Variants in RASA3 observed in about 807,000 individuals in gnomAD.
RASA3 encodes RAS p21 protein activator 3, also known as ras GTPase-activating protein 3.
A neutral mutation model predicts 110.0 loss-of-function variants in RASA3; 73 were observed. The ratio of observed to expected loss-of-function variants is 0.66; its 90% CI spans 0.55 to 0.81. The LOEUF (loss-of-function observed/expected upper bound fraction) is 0.81, where lower values mean the gene tolerates loss of function less well. Ranked by LOEUF, RASA3 falls within the 30% of genes least tolerant of loss-of-function variation. RASA3 has a pLI of 0.00. For synonymous variants in RASA3, 500 were observed against 451.4 expected (o/e 1.11, Z -1.37); for missense variants, 976 against 1,113.2 (o/e 0.88, Z 1.75).
chr13:114,091,179 C>T (rs1331657686), intron 1 of RASA3, among the ~76,000 whole-genome samples: 2 of 152,080 alleles, frequency 1.3e-5, no homozygotes, highest in Non-Finnish European at 2.9e-5. Context: ...CAGCTGCTGG[C>T]TCCCTGCTGT....
intron 4 of RASA3, among the ~76,000 whole-genome samples, chr13:114,038,184 C>T (rs1174405238): frequency 1.3e-5 from 2 of 152,200 alleles, no homozygotes; most frequent in East Asian, 1.9e-4. Flanking sequence ...GCTCAGAGGC[C>T]GTTGTGACGG....
intron 1 of RASA3, among the ~76,000 whole-genome samples, chr13:114,081,241 G>C (rs1403729793): frequency 6.6e-6 from 1 of 152,200 alleles, no homozygotes; most frequent in Non-Finnish European, 1.5e-5. Context: ...CGTCACTCCA[G>C]AGACTCACGC....
intron 21 of RASA3, among the ~76,000 whole-genome samples, chr13:113,994,740 G>A (rs919911182): frequency 1.3e-5 from 2 of 152,212 alleles, no homozygotes; most frequent in Admixed American, 6.5e-5. Context: ...GGAGAGTGAA[G>A]TGGGAGGACT....
chr13:113,998,637 C>A (rs2053310980), intron 20 of RASA3, among the ~76,000 whole-genome samples: 1 of 152,244 alleles, frequency 6.6e-6, no homozygotes, highest in African/African-American at 2.4e-5. Context: ...GAGGCCACCA[C>A]ACAATGGTGA....
chr13:113,993,154 G>A (rs1000317836), intron 21 of RASA3, among the ~76,000 whole-genome samples: 1 of 152,098 alleles, frequency 6.6e-6, no homozygotes, highest in Non-Finnish European at 1.5e-5. Flanking sequence ...CACAGAAGGA[G>A]GCTGTGTGCT....
intron 4 of RASA3, among the ~76,000 whole-genome samples, chr13:114,037,818 C>T (rs1373562337): frequency 2.0e-5 from 3 of 152,174 alleles, no homozygotes; most frequent in African/African-American, 7.2e-5. Context: ...GTTGACGTTG[C>T]ACCAGCTGCG....
intron 1 of RASA3, among the ~76,000 whole-genome samples, chr13:114,095,064 T>C (rs1362717388): frequency 6.6e-6 from 1 of 152,232 alleles, no homozygotes; most frequent in Non-Finnish European, 1.5e-5. Flanking sequence ...TGAAATGAAA[T>C]AATTTTATAA....
intron 21 of RASA3, among the ~76,000 whole-genome samples, chr13:113,995,230 C>T (rs2053204929): frequency 6.6e-6 from 1 of 152,254 alleles, no homozygotes; most frequent in Non-Finnish European, 1.5e-5. Context: ...CTCTCCTCGT[C>T]AGGCTGCAAT....
At chr13:114,107,531 G>C (rs965715233) in intron 1 of RASA3, 1 of 152,606 alleles carries the variant, frequency 6.6e-6, no homozygotes, top group African/African-American at 2.4e-5. Context: ...GGGCTGGCCT[G>C]TCCCTCATGA....
Position 114,011,248 on chromosome 13 carries a change from C to T in RASA3, c.1513G>A (p.Asp505Asn), listed in dbSNP as rs754287355. 4 of 1,611,852 alleles carry T rather than the reference C, an allele frequency of 2.5e-6. No individual in the cohort carries two copies. In the African/African-American group the frequency reaches 4.0e-5, roughly 16 times the overall value. The change falls in exon 16 of 24, where the codon GAC becomes AAC. Residue 505 changes from aspartate (D) to asparagine (N), a missense_variant and splice_region_variant. Physicochemically the swap from Asp to Asn is conservative, Grantham distance 23. Around this residue, in one of 4 missense-constraint regions of RASA3, gnomAD observed 732 missense variants for 779.7 expected, o/e 0.94. Coordinates refer to ENST00000334062, the MANE Select transcript of RASA3 (RefSeq NM_007368.4). The surrounding 1 kb of genome is among the most constrained non-coding windows in gnomAD (Gnocchi z 4.8). ...GTCAGCGTCCTGGACGTCTGGGGGT[C>T]CTGGGGAGGCGGGAGCAAGAAAGGT... is the stretch of plus-strand genomic sequence containing the variant. ...NLFQLTPHHT[D>N]PQTSRTLTLI... is the part of the protein sequence containing the mutation.
chr13:114,003,533 G>A (rs1393144726), intron 18 of RASA3, among the ~76,000 whole-genome samples: 2 of 152,200 alleles, frequency 1.3e-5, no homozygotes, highest in Non-Finnish European at 2.9e-5. Flanking sequence ...AATCATAAGT[G>A]TTAGAAATAA....
chr13:114,011,298 G>A lies in RASA3; in HGVS notation c.1513-50C>T, dbSNP rs771043813. The A allele has an allele frequency of 2.7e-6, 4 of 1,492,518 alleles. No homozygotes were observed. Among genetic ancestry groups the A allele is most frequent in the East Asian group, 2.3e-5 (1 of 44,060 alleles). 92.5% of individuals were successfully genotyped at this position (1,492,518 alleles called of 1,614,324 possible). A position where few individuals can be genotyped will look rare whatever the true frequency, so the allele number is the denominator to read the frequency against. On this transcript the variant is annotated intron_variant, in intron 15 of 23. Coordinates refer to ENST00000334062, the MANE Select transcript of RASA3 (RefSeq NM_007368.4). The surrounding 1 kb of genome is among the most constrained non-coding windows in gnomAD (Gnocchi z 4.8). ...TCTATGTCAGCATCACAGAAATGCT[G>A]TGACTGTCCCAGATCGAGGGGACGA...
intron 1 of RASA3, among the ~76,000 whole-genome samples, chr13:114,083,348 CTGTGG>C (rs1182842411): frequency 2.0e-5 from 3 of 152,242 alleles, no homozygotes; most frequent in African/African-American, 7.2e-5. Context: ...ATCCTGATTT[CTGTGG>C]TGTGAACATT....
intron 9 of RASA3, 103 bp downstream of exon 9, chr13:114,021,301 C>T (rs1328859621): frequency 2.9e-5 from 29 of 1,007,478 alleles, no homozygotes; most frequent in Admixed American, 1.0e-4. Context: ...TGGGCACAGC[C>T]GAGGACCAGC....
At position 114,000,942 on chromosome 13, in the gene RASA3, GA is replaced by G. The variant is rs2053380644; in HGVS notation, c.1743-11del. 2 of 1,585,644 alleles carry G rather than the reference GA, an allele frequency of 1.3e-6. No homozygotes were observed. The highest frequency in any genetic ancestry group is 8.7e-7 in the Non-Finnish European group (1 of 1,154,418). On this transcript the variant is annotated splice_polypyrimidine_tract_variant and intron_variant, in intron 18 of 23. Transcript: ENST00000334062. ...CCTCTTGATCATGAACCTGTGTGAA[GA>G]GCACACAGGGCCGGGGTCCGGGCCT...
At chr13:114,103,055 G>A (rs1234220467) in intron 1 of RASA3, among the ~76,000 whole-genome samples, 1 of 152,194 alleles carries the variant, frequency 6.6e-6, no homozygotes, top group African/African-American at 2.4e-5. Flanking sequence ...CAGCTCCGGT[G>A]CAGCCGGCCC....
chr13:114,010,796 G>T (rs2053620026), intron 16 of RASA3, among the ~76,000 whole-genome samples: 4 of 151,868 alleles, frequency 2.6e-5, no homozygotes, highest in South Asian at 2.1e-4. Context: ...GGGAGGAGGG[G>T]GCCGCGAGGG....
chr13:114,021,928 G>A (rs981832563), intron 8 of RASA3, among the ~76,000 whole-genome samples: 1 of 152,028 alleles, frequency 6.6e-6, no homozygotes, highest in African/African-American at 2.4e-5. Context: ...TCTGTGCCAG[G>A]AGGGAGCCAG....
chr13:114,015,082 G>A (rs1418812065), intron 14 of RASA3, 127 bp downstream of exon 14: 10 of 1,304,146 alleles, frequency 7.7e-6, no homozygotes, highest in Non-Finnish European at 1.1e-5. Flanking sequence ...TCCAGCATCG[G>A]AACTGGGGTT....
Sources: allele counts gnomAD v4.1 joint callset (sites outside exome capture counted in the v4.1 genomes callset), GRCh38; gene constraint gnomAD v4.1.1; regional missense constraint gnomAD v4.1.1; non-coding constraint Gnocchi (gnomAD v3.1); transcripts MANE v1.5; gene names NCBI Gene and HGNC (gene_info 2026-07-23, HGNC 2026-07-21).